Variants in TOX3 observed in about 807,000 individuals in gnomAD.
TOX3 encodes the protein CAG trinucleotide repeat-containing gene F9 protein.
TOX3 carries 22 observed loss-of-function variants against 64.3 expected under a neutral mutation model. The ratio of observed to expected loss-of-function variants is 0.34; its 90% CI spans 0.24 to 0.49. The LOEUF is 0.49. Ranked by LOEUF, TOX3 falls within the 20% of genes least tolerant of loss-of-function variation. The pLI is 0.99. For missense variants in TOX3, 661 were observed against 714.4 expected, an observed-to-expected ratio of 0.93 and a Z score of 0.85; for synonymous variants, 291 against 273.6, an observed-to-expected ratio of 1.06 and a Z score of -0.63.
intron 1 of TOX3, among the ~76,000 whole-genome samples, chr16:52,542,754 T>C (rs571574126): frequency 1.3e-5 from 2 of 152,334 alleles, no homozygotes; most frequent in Middle Eastern, 6.8e-3. Flanking sequence ...CGTGATAGGA[T>C]ACAGGAATCT....
rs140373347 is a variant in TOX3 at position 52,441,933 on chromosome 16, C to A, written c.988-1965G>T. Among the ~76,000 whole-genome samples, 495 of 152,144 alleles carry A rather than the reference C, an allele frequency of 3.3e-3. 2 individuals are homozygous for A. Among genetic ancestry groups the A allele is most frequent in the African/African-American group, 0.011 (466 of 41,490 alleles). On this transcript the variant is annotated intron_variant, in intron 6 of 6. Transcript: ENST00000219746. ...GCCTATAAATATTCAAATTTGTCTT[C>A]AAAAAACCATTAAATCACCCATAAA...
rs369822258 is a variant in TOX3, at chr16:52,468,528, G to T, written c.134C>A (p.Ala45Glu). The T allele has an allele frequency of 1.9e-6, 3 of 1,612,654 alleles. No individual in the cohort carries two copies. The highest frequency in any genetic ancestry group is 1.7e-5 in the Admixed American group (1 of 59,894). The change falls in exon 2 of 7, where the codon GCG becomes GAG. Residue 45 changes from alanine to glutamate, a missense_variant. This residue lies in a region of TOX3 where 259 missense variants were observed against 261.2 expected (regional missense o/e 0.99). Coordinates refer to ENST00000219746, the MANE Select transcript of TOX3 (RefSeq NM_001080430.4). ...ACCTACCTCACTGGCAGCGAAGAAC[G>T]CATTGTTCGCCTCAGCCATATTCAT... is the stretch of plus-strand genomic sequence containing the variant. ...NYMNMAEANNAFFAASEQTFH... is the reference protein window; with the variant it reads ...NYMNMAEANNEFFAASEQTFH...
intron 1 of TOX3, among the ~76,000 whole-genome samples, chr16:52,512,637 T>C (rs1006607041): frequency 3.9e-5 from 6 of 152,206 alleles, no homozygotes; most frequent in Non-Finnish European, 8.8e-5. Flanking sequence ...AATAAGACTA[T>C]GTCACTTAAA....
intron 1 of TOX3, among the ~76,000 whole-genome samples, chr16:52,501,596 G>C (rs1224563703): frequency 6.6e-6 from 1 of 151,472 alleles, no homozygotes; most frequent in African/African-American, 2.4e-5. Context: ...GGAGGCGGAG[G>C]TTTCAGTGAG....
At chr16:52,508,555 C>T (rs1179275312) in intron 1 of TOX3, among the ~76,000 whole-genome samples, 1 of 152,024 alleles carries the variant, frequency 6.6e-6, no homozygotes, top group African/African-American at 2.4e-5. Context: ...AAATATATAA[C>T]ATCATTCCAC....
At chr16:52,503,691 T>G (rs2151466219) in intron 1 of TOX3, among the ~76,000 whole-genome samples, 1 of 152,310 alleles carries the variant, frequency 6.6e-6, no homozygotes, top group South Asian at 2.1e-4. Flanking sequence ...CTATAGAACT[T>G]GTTATTCTCC....
chr16:52,485,016 G>C (rs769576238), intron 1 of TOX3, among the ~76,000 whole-genome samples: 13 of 149,858 alleles, frequency 8.7e-5, no homozygotes, highest in Non-Finnish European at 1.3e-4. Flanking sequence ...CAGCTAACTG[G>C]ATAAAGAAAA....
intron 1 of TOX3, among the ~76,000 whole-genome samples, chr16:52,510,689 G>A (rs977498704): frequency 2.0e-5 from 3 of 148,740 alleles, no homozygotes; most frequent in African/African-American, 5.0e-5. Context: ...CTGGGAGGTG[G>A]AGGTTGCAGT....
At chr16:52,537,337 G>A (rs1025524120) in intron 1 of TOX3, among the ~76,000 whole-genome samples, 1 of 152,136 alleles carries the variant, frequency 6.6e-6, no homozygotes, top group African/African-American at 2.4e-5. Context: ...CATATCCATA[G>A]AATATCCAGG....
chr16:52,456,146 T>C (rs1960510062), intron 3 of TOX3, among the ~76,000 whole-genome samples: 1 of 152,180 alleles, frequency 6.6e-6, no homozygotes, highest in Non-Finnish European at 1.5e-5. Context: ...TTAGGAAGTC[T>C]GGATTATATT....
intron 2 of TOX3, among the ~76,000 whole-genome samples, chr16:52,465,914 G>A (rs1220580105): frequency 1.3e-5 from 2 of 152,094 alleles, no homozygotes; most frequent in East Asian, 1.9e-4. Context: ...TAAAATATTG[G>A]ATTTTCTGAC....
At chr16:52,510,778 A>AAAGAAG (rs71141198) in intron 1 of TOX3, among the ~76,000 whole-genome samples, 131 of 115,150 alleles carry the variant, frequency 1.1e-3, no homozygotes, top group South Asian at 1.4e-3. Context: ...AAAAAAAAAA[A>AAAGAAG]AAGAAGAAGA....
intron 1 of TOX3, among the ~76,000 whole-genome samples, chr16:52,475,946 C>T (rs138101445): frequency 1.4e-4 from 22 of 152,230 alleles, no homozygotes; most frequent in South Asian, 8.3e-4. Context: ...TATTTGAGAA[C>T]GACTAGCCTA....
At position 52,439,802 on chromosome 16, in the gene TOX3, G is replaced by C. The variant is rs780301181; in HGVS notation, c.1154C>G (p.Pro385Arg). 1 of 1,613,834 alleles carries C rather than the reference G, an allele frequency of 6.2e-7. No individual in the cohort carries two copies. Among genetic ancestry groups the C allele is most frequent in the African/African-American group, 1.3e-5 (1 of 74,916 alleles). ...GGGGAGTCTCATGGTTAAGGGTTTG[G>C]GAGCGATTGACCTAGGGAGGGATTG... ...LQQSLPRSIA[P>R]KPLTMRLPMN... Residue 385 changes from proline (P) to arginine (R), a missense_variant, in exon 7 of 7, where the codon CCC becomes CGC. Transcript: ENST00000219746.
At chr16:52,500,032 G>A (rs1354920063) in intron 1 of TOX3, among the ~76,000 whole-genome samples, 1 of 152,154 alleles carries the variant, frequency 6.6e-6, no homozygotes, top group Admixed American at 6.5e-5. Context: ...GTTTATGTTG[G>A]CCAGAAGTTT....
chr16:52,485,314 G>T (rs1177639641), intron 1 of TOX3, among the ~76,000 whole-genome samples: 1 of 147,732 alleles, frequency 6.8e-6, no homozygotes, highest in Non-Finnish European at 1.5e-5. Flanking sequence ...AAAAAAGAAT[G>T]AAATCATGTT....
chr16:52,488,470 T>G (rs1368265821), intron 1 of TOX3, among the ~76,000 whole-genome samples: 3 of 152,222 alleles, frequency 2.0e-5, no homozygotes, highest in African/African-American at 7.2e-5. Flanking sequence ...ATGACCATCT[T>G]GTTGCCATGA....
intron 1 of TOX3, among the ~76,000 whole-genome samples, chr16:52,483,309 T>C (rs1455151768): frequency 6.6e-6 from 1 of 152,172 alleles, no homozygotes; most frequent in Non-Finnish European, 1.5e-5. Flanking sequence ...GGGATCAGAA[T>C]TCCCCAAGGA....
At chr16:52,543,465 G>A (rs886436565) in intron 1 of TOX3, among the ~76,000 whole-genome samples, 5 of 152,058 alleles carry the variant, frequency 3.3e-5, no homozygotes, top group Non-Finnish European at 5.9e-5. Flanking sequence ...TTTCTTACTG[G>A]TGAAAAGACA....
Sources: allele counts gnomAD v4.1 joint callset (sites outside exome capture counted in the v4.1 genomes callset), GRCh38; gene constraint gnomAD v4.1.1; regional missense constraint gnomAD v4.1.1; transcripts MANE v1.5; gene names NCBI Gene and HGNC (gene_info 2026-07-23, HGNC 2026-07-21).